CDK14: variants seen among roughly 807,000 people sequenced by gnomAD.
CDK14 encodes the protein cyclin-dependent kinase 14.
CDK14 carries 34 observed loss-of-function variants against 60.7 expected under a neutral mutation model. The ratio of observed to expected loss-of-function variants is 0.56; its 90% CI spans 0.43 to 0.75. The LOEUF (loss-of-function observed/expected upper bound fraction) is 0.75. Ranked by LOEUF, CDK14 falls within the 30% of genes least tolerant of loss-of-function variation. The pLI, the probability that CDK14 is intolerant of heterozygous loss-of-function variation, is 0.00. For missense variants in CDK14, 482 were observed against 564.1 expected, an observed-to-expected ratio of 0.85 and a Z score of 1.47; for synonymous variants, 197 against 203.7, an observed-to-expected ratio of 0.97 and a Z score of 0.28.
At chr7:91,203,845 C>T (rs1802799244) in intron 14 of CDK14, among the ~76,000 whole-genome samples, 1 of 152,204 alleles carries the variant, frequency 6.6e-6, no homozygotes, top group African/African-American at 2.4e-5. Flanking sequence ...TGAGTGCTTT[C>T]TCTTCTTGAT....
chr7:90,780,530 T>C (rs1357553112), intron 4 of CDK14, among the ~76,000 whole-genome samples: 1 of 149,754 alleles, frequency 6.7e-6, no homozygotes, highest in East Asian at 2.0e-4. Context: ...ACCCATTAAC[T>C]CGTCATTTAG....
intron 13 of CDK14, among the ~76,000 whole-genome samples, chr7:91,117,119 G>A (rs1799631265): frequency 6.8e-6 from 1 of 146,310 alleles, no homozygotes; most frequent in Non-Finnish European, 1.5e-5. Context: ...TACCAAAACT[G>A]AACTCATCTT....
intron 2 of CDK14, among the ~76,000 whole-genome samples, chr7:90,684,988 A>T (rs1008093800): frequency 6.9e-6 from 1 of 144,806 alleles, no homozygotes; most frequent in African/African-American, 2.5e-5. Context: ...TTATGCATAG[A>T]TTTTTTTTTT....
chr7:90,997,927 C>T (rs1795731693), intron 10 of CDK14, among the ~76,000 whole-genome samples: 1 of 152,076 alleles, frequency 6.6e-6, no homozygotes, highest in Non-Finnish European at 1.5e-5. Context: ...AATGTTCTTT[C>T]TACTGCTTAG....
intron 12 of CDK14, among the ~76,000 whole-genome samples, chr7:91,091,517 A>ATATATATATATATATATATAT (rs1562900714): frequency 2.1e-5 from 3 of 141,392 alleles, no homozygotes; most frequent in Non-Finnish European, 3.0e-5. Flanking sequence ...ATATATATAT[A>ATATATATATATATATATATAT]AATTAGCCAG....
intron 5 of CDK14, among the ~76,000 whole-genome samples, chr7:90,845,354 TTTTA>T (rs1790432269): frequency 6.6e-6 from 1 of 152,186 alleles, no homozygotes; most frequent in African/African-American, 2.4e-5. Context: ...ACATCATTGT[TTTTA>T]TTCCACTTGT....
intron 14 of CDK14, among the ~76,000 whole-genome samples, chr7:91,165,837 A>G (rs1432002451): frequency 6.6e-6 from 1 of 152,246 alleles, no homozygotes; most frequent in Non-Finnish European, 1.5e-5. Context: ...AATCAATCAT[A>G]GATTTATTGA....
chr7:91,143,471 C>A (rs1283774689), intron 14 of CDK14, among the ~76,000 whole-genome samples: 1 of 152,072 alleles, frequency 6.6e-6, no homozygotes, highest in Non-Finnish European at 1.5e-5. Flanking sequence ...TAATCAATCC[C>A]AGCTCTTTGG....
intron 10 of CDK14, among the ~76,000 whole-genome samples, chr7:91,002,475 TGTAA>T (rs1001013499): frequency 7.9e-5 from 12 of 152,338 alleles, no homozygotes; most frequent in African/African-American, 2.9e-4. Context: ...ACTTGTGTAG[TGTAA>T]GTATTTTGAT....
At chr7:90,852,985 A>G (rs575902142) in intron 5 of CDK14, among the ~76,000 whole-genome samples, 50 of 152,292 alleles carry the variant, frequency 3.3e-4, no homozygotes, top group African/African-American at 1.2e-3. Context: ...AAGTAGTGGT[A>G]TGTTTGAAAT....
chr7:90,638,029 A>C (rs1004064978), intron 2 of CDK14, among the ~76,000 whole-genome samples: 8 of 148,074 alleles, frequency 5.4e-5, no homozygotes, highest in Admixed American at 1.4e-4. Context: ...TGTGTCTCTG[A>C]ACGTGAGATG....
chr7:90,704,647 T>G (rs1397791418), intron 2 of CDK14, among the ~76,000 whole-genome samples: 1 of 152,116 alleles, frequency 6.6e-6, no homozygotes, highest in Non-Finnish European at 1.5e-5. Flanking sequence ...AAGTTAGTTC[T>G]TTTTTCCCCT....
intron 12 of CDK14, among the ~76,000 whole-genome samples, chr7:91,084,586 G>A (rs900706938): frequency 2.0e-5 from 3 of 152,214 alleles, no homozygotes; most frequent in Non-Finnish European, 4.4e-5. Flanking sequence ...TTGTGTCATT[G>A]CCAGATTTCT....
At chr7:90,672,806 C>T (rs1322490506) in intron 2 of CDK14, among the ~76,000 whole-genome samples, 1 of 151,988 alleles carries the variant, frequency 6.6e-6, no homozygotes, top group Non-Finnish European at 1.5e-5. Context: ...GCCTGAGCCA[C>T]CTCGCCTGGG....
chr7:90,863,916 C>G (rs975335936), intron 6 of CDK14, among the ~76,000 whole-genome samples: 1 of 152,066 alleles, frequency 6.6e-6, no homozygotes, highest in Admixed American at 6.6e-5. Context: ...AGCACTACTT[C>G]AGCATTTAAC....
At chr7:90,880,487 C>A (rs1329453327) in intron 6 of CDK14, among the ~76,000 whole-genome samples, 1 of 152,184 alleles carries the variant, frequency 6.6e-6, no homozygotes, top group African/African-American at 2.4e-5. Context: ...TGCGGACCAG[C>A]AGACTTAGCC....
In CDK14 at chr7:90,865,637, G is replaced by A. The variant is rs1323216468; in HGVS notation, c.639+2368G>A. On this transcript the variant is annotated intron_variant, in intron 6 of 14. Transcript: ENST00000380050. ...GGTAGGAAACAGGAGGGCACTGTGGGCTTGGGATGAATGAGTGAGGGCCAC... is the reference window on the plus strand; with the variant it reads ...GGTAGGAAACAGGAGGGCACTGTGGACTTGGGATGAATGAGTGAGGGCCAC... Among the ~76,000 whole-genome samples the A allele has an allele frequency of 3.3e-5, 5 of 152,258 alleles. No individual in the cohort carries two copies. In the East Asian group the frequency reaches 7.7e-4, roughly 24 times the overall value.
At chr7:90,829,885 C>G (rs1176862886) in intron 5 of CDK14, among the ~76,000 whole-genome samples, 1 of 152,188 alleles carries the variant, frequency 6.6e-6, no homozygotes, top group Non-Finnish European at 1.5e-5. Context: ...TATCTCACAT[C>G]CAGGGCACTC....
intron 2 of CDK14, among the ~76,000 whole-genome samples, chr7:90,635,559 A>G (rs1270653770): frequency 1.3e-5 from 2 of 152,212 alleles, no homozygotes; most frequent in African/African-American, 4.8e-5. Flanking sequence ...GTTTGAAGTC[A>G]GGTATTGTGA....
Sources: gnomAD v4.1 joint callset for allele counts (sites outside exome capture counted in the v4.1 genomes callset) on GRCh38, gnomAD v4.1.1 for gene constraint, MANE v1.5 for transcripts, NCBI Gene and HGNC (gene_info 2026-07-23, HGNC 2026-07-21) for gene names.